RBFOX1: variants seen among roughly 807,000 people sequenced by gnomAD.
RBFOX1 encodes the protein RNA binding protein fox-1 homolog 1.
In RBFOX1, 8 loss-of-function variants were observed where a neutral mutation model predicts 57.7. The observed-to-expected ratio is 0.14, with a 90% CI of 0.08 to 0.25. The LOEUF (loss-of-function observed/expected upper bound fraction) is 0.25. Among genes scored for constraint, RBFOX1 ranks in the 10% least tolerant of loss-of-function variants. The pLI, the probability that RBFOX1 is intolerant of heterozygous loss-of-function variation, is 1.00. For synonymous variants in RBFOX1, 326 were observed against 222.4 expected (o/e 1.47, Z -4.15); for missense variants, 611 against 548.5 (o/e 1.11, Z -1.14).
chr16:6,702,031 C>G (rs1384002843), intron 3 of RBFOX1, among the ~76,000 whole-genome samples: 1 of 152,070 alleles, frequency 6.6e-6, no homozygotes, highest in East Asian at 1.9e-4. Flanking sequence ...AATCTGTACA[C>G]CATACCCTTG....
At chr16:7,519,423 A>G (rs1341743812) in intron 5 of RBFOX1, among the ~76,000 whole-genome samples, 1 of 152,238 alleles carries the variant, frequency 6.6e-6, no homozygotes, top group Non-Finnish European at 1.5e-5. Flanking sequence ...TATACGCCAT[A>G]AAGAGTAAAT....
chr16:6,758,197 C>T (rs111771031), intron 3 of RBFOX1, among the ~76,000 whole-genome samples: 2 of 152,006 alleles, frequency 1.3e-5, no homozygotes, highest in Admixed American at 6.6e-5. Flanking sequence ...GATTTGAGAT[C>T]CAAGATAACT....
At chr16:7,043,870 C>T (rs1225400760) in intron 3 of RBFOX1, among the ~76,000 whole-genome samples, 1 of 152,196 alleles carries the variant, frequency 6.6e-6, no homozygotes, top group Non-Finnish European at 1.5e-5. Context: ...ATCCTCCTGC[C>T]TTTCCTCTGA....
intron 1 of RBFOX1, among the ~76,000 whole-genome samples, chr16:5,465,721 C>A (rs182425439): frequency 1.9e-3 from 290 of 152,312 alleles, no homozygotes; most frequent in Non-Finnish European, 3.1e-3. Context: ...AACACTCAGG[C>A]CTTCAGTGGA....
intron 3 of RBFOX1, among the ~76,000 whole-genome samples, chr16:6,679,001 T>C (rs2154119398): frequency 6.6e-6 from 1 of 152,272 alleles, no homozygotes; most frequent in South Asian, 2.1e-4. Flanking sequence ...CATTTCATTC[T>C]TTCAGATGTC....
chr16:5,266,482 A>T (rs1392540797), intron 1 of RBFOX1, among the ~76,000 whole-genome samples: 2 of 151,580 alleles, frequency 1.3e-5, no homozygotes, highest in Non-Finnish European at 2.9e-5. Flanking sequence ...AGACCCCAGG[A>T]ATATCCTGGA....
At chr16:7,205,417 C>T (rs886993061) in intron 4 of RBFOX1, among the ~76,000 whole-genome samples, 5 of 150,544 alleles carry the variant, frequency 3.3e-5, no homozygotes, top group African/African-American at 1.2e-4. Flanking sequence ...ACTCGGGAGG[C>T]TAAGGCAGGA....
At chr16:5,495,874 C>G (rs762108442) in intron 2 of RBFOX1, among the ~76,000 whole-genome samples, 13 of 152,236 alleles carry the variant, frequency 8.5e-5, no homozygotes, top group Non-Finnish European at 1.9e-4. Flanking sequence ...GCCTGTAATC[C>G]CGGCACTGTG....
At chr16:5,718,092 G>A (rs909938233) in intron 3 of RBFOX1, among the ~76,000 whole-genome samples, 1 of 152,156 alleles carries the variant, frequency 6.6e-6, no homozygotes, top group African/African-American at 2.4e-5. Flanking sequence ...CATCGAATAC[G>A]ATGCACACAT....
At chr16:7,358,040 C>G (rs186402395) in intron 4 of RBFOX1, among the ~76,000 whole-genome samples, 3 of 152,186 alleles carry the variant, frequency 2.0e-5, no homozygotes, top group Non-Finnish European at 4.4e-5. Context: ...GACCTGAGCT[C>G]GAACCAGCCT....
intron 3 of RBFOX1, among the ~76,000 whole-genome samples, chr16:5,621,295 A>T (rs2048194496): frequency 6.6e-6 from 1 of 152,120 alleles, no homozygotes; most frequent in Admixed American, 6.5e-5. Context: ...AGCTGAATTA[A>T]CCTTTTTAAA....
At chr16:6,653,663 G>A (rs2098619118) in intron 2 of RBFOX1, among the ~76,000 whole-genome samples, 1 of 151,436 alleles carries the variant, frequency 6.6e-6, no homozygotes, top group African/African-American at 2.4e-5. Flanking sequence ...ATGAATGGGT[G>A]GGTGGAGGGA....
At chr16:7,659,118 C>T (rs545540677) in intron 12 of RBFOX1, among the ~76,000 whole-genome samples, 1 of 152,142 alleles carries the variant, frequency 6.6e-6, no homozygotes, top group Non-Finnish European at 1.5e-5. Flanking sequence ...GATTTTCTGC[C>T]CTTTCTCAGG....
chr16:6,959,088 G>T (rs74008475), intron 3 of RBFOX1, among the ~76,000 whole-genome samples: 6,392 of 152,178 alleles, frequency 0.042, 171 homozygotes, highest in East Asian at 0.083. Context: ...CATAAAGATA[G>T]GCATTTTCTT....
At chr16:5,715,082 C>G (rs1239384588) in intron 3 of RBFOX1, among the ~76,000 whole-genome samples, 1 of 152,200 alleles carries the variant, frequency 6.6e-6, no homozygotes, top group Non-Finnish European at 1.5e-5. Flanking sequence ...GTTGACGCAG[C>G]CGCCTTGTTT....
At chr16:5,551,016 C>T (rs891846170) in intron 2 of RBFOX1, among the ~76,000 whole-genome samples, 1 of 152,150 alleles carries the variant, frequency 6.6e-6, no homozygotes, top group East Asian at 1.9e-4. Flanking sequence ...TGTAATAAAG[C>T]ATATCAAACG....
chr16:6,622,928 A>G (rs2098253745), intron 2 of RBFOX1, among the ~76,000 whole-genome samples: 1 of 152,210 alleles, frequency 6.6e-6, no homozygotes, highest in Non-Finnish European at 1.5e-5. Context: ...TAGTTAATGC[A>G]CTTAATTCTC....
At chr16:6,730,689 A>T (rs1233750413) in intron 3 of RBFOX1, among the ~76,000 whole-genome samples, 1 of 152,228 alleles carries the variant, frequency 6.6e-6, no homozygotes, top group Non-Finnish European at 1.5e-5. Context: ...CTTAGATGAA[A>T]TGCCACTGTC....
chr16:6,514,442 C>A (rs1160564312), intron 2 of RBFOX1, among the ~76,000 whole-genome samples: 1 of 152,126 alleles, frequency 6.6e-6, no homozygotes, highest in African/African-American at 2.4e-5. Flanking sequence ...CAGGTTTAGT[C>A]CCCTGCTGAG....
Sources: gnomAD v4.1 joint callset for allele counts (sites outside exome capture counted in the v4.1 genomes callset) on GRCh38, gnomAD v4.1.1 for gene constraint, MANE v1.5 for transcripts, NCBI Gene and HGNC (gene_info 2026-07-23, HGNC 2026-07-21) for gene names.